Variants in LCLAT1 observed in about 807,000 individuals in gnomAD.
The protein encoded by LCLAT1 is 1-AGP acyltransferase 8.
LCLAT1 carries 11 observed loss-of-function variants against 30.7 expected under a neutral mutation model. The observed-to-expected ratio is 0.36, with a 90% CI of 0.23 to 0.59. The LOEUF (loss-of-function observed/expected upper bound fraction) is 0.59. Among genes scored for constraint, LCLAT1 ranks in the 20% least tolerant of loss-of-function variants. The pLI, the probability that LCLAT1 is intolerant of heterozygous loss-of-function variation, is 0.77. For synonymous variants in LCLAT1, 155 were observed against 151.3 expected (o/e 1.02, Z -0.18); for missense variants, 402 against 458.6 (o/e 0.88, Z 1.13).
At chr2:30,509,572 A>C (rs1015940121) in intron 1 of LCLAT1, among the ~76,000 whole-genome samples, 2 of 147,636 alleles carry the variant, frequency 1.4e-5, no homozygotes, top group African/African-American at 4.9e-5. Flanking sequence ...AAAGCAGAAT[A>C]CTTTTTTTTT....
At chr2:30,598,307 C>T (rs942014646) in intron 5 of LCLAT1, among the ~76,000 whole-genome samples, 3 of 151,944 alleles carry the variant, frequency 2.0e-5, no homozygotes, top group Non-Finnish European at 4.4e-5. Context: ...TTATTACTGC[C>T]TCAATTTCAG....
chr2:30,609,721 GTTCATTCTCTACTACACTCAC>G (rs1667640603), intron 5 of LCLAT1, among the ~76,000 whole-genome samples: 2 of 152,084 alleles, frequency 1.3e-5, no homozygotes, highest in Non-Finnish European at 2.9e-5. Flanking sequence ...AACTCATAGT[GTTCATTCTCTACTACACTCAC>G]CTCACTTCTC....
At chr2:30,467,298 C>T (rs1278577399) in intron 1 of LCLAT1, among the ~76,000 whole-genome samples, 1 of 152,178 alleles carries the variant, frequency 6.6e-6, no homozygotes, top group Non-Finnish European at 1.5e-5. Context: ...CATAGTATTC[C>T]ATGGTGTATA....
At chr2:30,552,650 G>T in intron 3 of LCLAT1, 1 of 315,452 alleles carries the variant, frequency 3.2e-6, no homozygotes, top group Admixed American at 3.9e-5. Flanking sequence ...AGTTTGTAAT[G>T]TGAGTTCAGA....
Position 30,637,984 on chromosome 2 carries a change from C to G in LCLAT1, c.629-2133C>G, listed in dbSNP as rs551037601. On this transcript the variant is annotated intron_variant, in intron 5 of 5. Transcript: ENST00000379509. Reference sequence around the variant, plus strand: ...GCTTTCATTTGCACTTCCTCTACCCCCTGCGAACAATATACAGCACTCCTG... The same window carrying G: ...GCTTTCATTTGCACTTCCTCTACCCGCTGCGAACAATATACAGCACTCCTG... 1.0e-3 allele frequency among the ~76,000 whole-genome samples: 155 copies of G among 152,122 alleles called. 4 individuals are homozygous for G. Among genetic ancestry groups the G allele is most frequent in the Admixed American group, 9.8e-4 (15 of 15,284 alleles).
At chr2:30,629,926 T>A (rs1668689317) in intron 5 of LCLAT1, among the ~76,000 whole-genome samples, 1 of 152,002 alleles carries the variant, frequency 6.6e-6, no homozygotes, top group African/African-American at 2.4e-5. Flanking sequence ...ACAGTATGGT[T>A]CCATTTCTAG....
intron 3 of LCLAT1, among the ~76,000 whole-genome samples, chr2:30,559,550 C>T (rs1008205798): frequency 6.6e-6 from 1 of 152,092 alleles, no homozygotes; most frequent in African/African-American, 2.4e-5. Flanking sequence ...CATGTCTTTC[C>T]TGCTTATTAT....
intron 5 of LCLAT1, among the ~76,000 whole-genome samples, chr2:30,580,380 A>ATCTT (rs1424915316): frequency 6.6e-6 from 1 of 152,184 alleles, no homozygotes. Context: ...TACTAGTAAC[A>ATCTT]TCTTTGAACG....
intron 5 of LCLAT1, among the ~76,000 whole-genome samples, chr2:30,638,863 T>TCTCCCACA (rs1192664329): frequency 1.4e-5 from 2 of 147,812 alleles, no homozygotes; most frequent in African/African-American, 2.6e-5. Context: ...GTCACATCCG[T>TCTCCCACA]TCTTCCTTGT....
chr2:30,490,682 CATAAATT>C (rs774468408), intron 1 of LCLAT1, among the ~76,000 whole-genome samples: 11 of 152,224 alleles, frequency 7.2e-5, no homozygotes, highest in Non-Finnish European at 1.3e-4. Flanking sequence ...ATTTTGAACT[CATAAATT>C]ATAATACCAA....
At chr2:30,464,736 A>G (rs1476473421) in intron 1 of LCLAT1, among the ~76,000 whole-genome samples, 1 of 152,194 alleles carries the variant, frequency 6.6e-6, no homozygotes, top group Non-Finnish European at 1.5e-5. Flanking sequence ...AGTTAATTTC[A>G]GTGGTGTTTG....
intron 5 of LCLAT1, among the ~76,000 whole-genome samples, chr2:30,587,691 C>T (rs1666506886): frequency 6.6e-6 from 1 of 151,736 alleles, no homozygotes; most frequent in Non-Finnish European, 1.5e-5. Context: ...AAAAGTTAAG[C>T]AAAACTTGAA....
chr2:30,603,412 C>A (rs1074066), intron 5 of LCLAT1, among the ~76,000 whole-genome samples: 19,302 of 151,714 alleles, frequency 0.13, 1,366 homozygotes, highest in South Asian at 0.23. Flanking sequence ...ACTTAGAATG[C>A]TGTCACATTG....
intron 1 of LCLAT1, among the ~76,000 whole-genome samples, chr2:30,492,948 T>G (rs1370058298): frequency 1.3e-5 from 2 of 152,196 alleles, no homozygotes; most frequent in African/African-American, 2.4e-5. Flanking sequence ...AAATTAGCCC[T>G]TTTTAAAAAA....
intron 1 of LCLAT1, among the ~76,000 whole-genome samples, chr2:30,469,414 A>G (rs1283244513): frequency 1.3e-5 from 2 of 151,736 alleles, no homozygotes; most frequent in African/African-American, 4.8e-5. Flanking sequence ...GAGTTTGAGG[A>G]CACCTTCCTT....
rs1669446180 is a variant in LCLAT1 at position 30,644,083 on chromosome 2, T to C, written c.*3464T>C. ...AATCTTGGTTTTGGTAATTCATTTT[T>C]TTTTAAGATCATTATGTGCAAAACA... On this transcript the variant is annotated 3_prime_UTR_variant, in exon 6 of 6. Coordinates refer to ENST00000379509, the MANE Select transcript of LCLAT1 (RefSeq NM_001002257.3). 3 of 152,244 alleles carry C rather than the reference T, an allele frequency of 2.0e-5. No homozygotes were observed. The highest frequency in any genetic ancestry group is 6.5e-5 in the Admixed American group (1 of 15,286). 9.4% of individuals were successfully genotyped at this position (152,244 alleles called of 1,614,324 possible).
intron 1 of LCLAT1, among the ~76,000 whole-genome samples, chr2:30,512,162 A>G (rs922183209): frequency 6.6e-6 from 1 of 152,052 alleles, no homozygotes; most frequent in African/African-American, 2.4e-5. Flanking sequence ...AACTCTTCAG[A>G]CCTTTTTAGT....
intron 1 of LCLAT1, 46 bp from the exon 2 acceptor site, chr2:30,525,541 C>A: frequency 6.9e-7 from 1 of 1,443,016 alleles, no homozygotes; most frequent in Non-Finnish European, 9.7e-7. Flanking sequence ...GAATTCGAGC[C>A]GTTAAATGTA....
At chr2:30,478,727 A>G (rs1683170296) in intron 1 of LCLAT1, among the ~76,000 whole-genome samples, 1 of 152,202 alleles carries the variant, frequency 6.6e-6, no homozygotes, top group Non-Finnish European at 1.5e-5. Flanking sequence ...ACATAAATTT[A>G]AAAAACCAAA....
Sources: allele counts gnomAD v4.1 joint callset (sites outside exome capture counted in the v4.1 genomes callset), GRCh38; gene constraint gnomAD v4.1.1; transcripts MANE v1.5; gene names NCBI Gene and HGNC (gene_info 2026-07-23, HGNC 2026-07-21).